Variants in PARD3B observed in about 807,000 individuals in gnomAD.
PARD3B encodes partitioning defective 3 homolog B.
Under a neutral mutation model 130.2 loss-of-function variants are expected in PARD3B, and 103 were observed. That is an observed-to-expected ratio of 0.79 (90% confidence interval 0.67 to 0.93). The LOEUF (loss-of-function observed/expected upper bound fraction) is 0.93, where lower values mean the gene tolerates loss of function less well. Among genes scored for constraint, PARD3B ranks in the 40% least tolerant of loss-of-function variants. PARD3B has a pLI of 0.00. For missense variants in PARD3B, 1,609 were observed against 1,499.2 expected, an observed-to-expected ratio of 1.07 and a Z score of -1.21; for synonymous variants, 583 against 553.2, an observed-to-expected ratio of 1.05 and a Z score of -0.76.
intron 2 of PARD3B, among the ~76,000 whole-genome samples, chr2:204,759,110 T>G (rs1478591549): frequency 6.6e-6 from 1 of 152,180 alleles, no homozygotes; most frequent in Admixed American, 6.6e-5. Context: ...GTCCTTCTTC[T>G]TGTAATGTTC....
chr2:205,164,393 T>C (rs535775372), intron 11 of PARD3B, among the ~76,000 whole-genome samples: 1 of 152,296 alleles, frequency 6.6e-6, no homozygotes, highest in African/African-American at 2.4e-5. Context: ...AGTTCCAGAC[T>C]GTAATGCAGT....
At chr2:205,527,345 T>G (rs371361249) in intron 21 of PARD3B, among the ~76,000 whole-genome samples, 14 of 152,306 alleles carry the variant, frequency 9.2e-5, no homozygotes, top group African/African-American at 3.4e-4. Flanking sequence ...AAAAGTCATT[T>G]TTTTTACTGC....
chr2:204,996,434 C>T (rs925628420), intron 3 of PARD3B, among the ~76,000 whole-genome samples: 36 of 152,308 alleles, frequency 2.4e-4, no homozygotes, highest in Admixed American at 3.9e-4. Context: ...GGCAGTGTGC[C>T]GGTTCTCAGA....
chr2:205,247,351 ATC>A (rs1447439750), intron 16 of PARD3B, among the ~76,000 whole-genome samples: 1 of 152,184 alleles, frequency 6.6e-6, no homozygotes, highest in Non-Finnish European at 1.5e-5. Flanking sequence ...AATTTCAATG[ATC>A]TGTCTTTACA....
At chr2:204,810,864 A>C (rs1368808705) in intron 2 of PARD3B, among the ~76,000 whole-genome samples, 2 of 151,892 alleles carry the variant, frequency 1.3e-5, no homozygotes, top group African/African-American at 2.4e-5. Flanking sequence ...AATTTTTTGG[A>C]ATAGTTTCGG....
chr2:204,875,420 A>G (rs1468372635), intron 2 of PARD3B, among the ~76,000 whole-genome samples: 1 of 152,178 alleles, frequency 6.6e-6, no homozygotes, highest in Non-Finnish European at 1.5e-5. Flanking sequence ...AAATCTTTAG[A>G]GGGAGTCAAT....
intron 22 of PARD3B, among the ~76,000 whole-genome samples, chr2:205,578,317 CA>C (rs1378477551): frequency 6.6e-6 from 1 of 152,148 alleles, no homozygotes; most frequent in Non-Finnish European, 1.5e-5. Context: ...TCATCCAAAG[CA>C]AGAGGTTTAT....
intron 15 of PARD3B, among the ~76,000 whole-genome samples, chr2:205,214,124 T>C (rs1336758804): frequency 6.6e-6 from 1 of 152,090 alleles, no homozygotes; most frequent in Non-Finnish European, 1.5e-5. Flanking sequence ...GTGTTTTTAT[T>C]TATATTATTT....
In PARD3B at chr2:204,967,409, A is replaced by C. The variant is rs1270192183; in HGVS notation, c.394+2086A>C. Among the ~76,000 whole-genome samples the C allele has an allele frequency of 6.6e-6, 1 of 152,158 alleles. No individual in the cohort carries two copies. The highest frequency in any genetic ancestry group is 1.5e-5 in the Non-Finnish European group (1 of 68,034). ...TTTCTTTACACTGTGTGCTTTCTCC[A>C]GTCCCTACTGTTGCCAGAGCTGCCT... On this transcript the variant is annotated intron_variant, in intron 3 of 22. Transcript: ENST00000406610. This position sits in a 1 kb window ranked among gnomAD's most constrained non-coding sequence, Gnocchi z 4.4.
rs1168450334 is a variant in PARD3B, at chr2:205,244,310, C to G, written c.2141-1468C>G. On this transcript the variant is annotated intron_variant, in intron 15 of 22. Coordinates refer to ENST00000406610, the MANE Select transcript of PARD3B (RefSeq NM_001302769.2). The surrounding 1 kb of genome is among the most constrained non-coding windows in gnomAD (Gnocchi z 4.7). ...AGATTCTTCTTGTTAGCAAATTTCCCCTCGCCTTGCTTCAACCCTTGAGAC... is the reference window on the plus strand; with the variant it reads ...AGATTCTTCTTGTTAGCAAATTTCCGCTCGCCTTGCTTCAACCCTTGAGAC... Among the ~76,000 whole-genome samples, 1 of 152,110 alleles carries G rather than the reference C, an allele frequency of 6.6e-6. No individual in the cohort carries two copies. The highest frequency in any genetic ancestry group is 1.5e-5 in the Non-Finnish European group (1 of 68,026).
At chr2:205,505,961 C>T (rs1005944463) in intron 21 of PARD3B, among the ~76,000 whole-genome samples, 8 of 152,044 alleles carry the variant, frequency 5.3e-5, no homozygotes, top group African/African-American at 9.7e-5. Context: ...GAAGGGAGTA[C>T]ATTTGTTTAT....
chr2:204,713,181 G>T (rs553244531), intron 2 of PARD3B, among the ~76,000 whole-genome samples: 1 of 152,026 alleles, frequency 6.6e-6, no homozygotes, highest in Non-Finnish European at 1.5e-5. Flanking sequence ...CAACACATGG[G>T]CAAGAATGTA....
At chr2:204,672,610 G>C (rs1451095202) in intron 1 of PARD3B, among the ~76,000 whole-genome samples, 1 of 152,132 alleles carries the variant, frequency 6.6e-6, no homozygotes, top group Non-Finnish European at 1.5e-5. Context: ...CAGTTTCATG[G>C]AATGCATTAG....
At chr2:204,650,378 C>A (rs115973753) in intron 1 of PARD3B, among the ~76,000 whole-genome samples, 1 of 152,112 alleles carries the variant, frequency 6.6e-6, no homozygotes, top group Non-Finnish European at 1.5e-5. Flanking sequence ...ACCATTCAAC[C>A]CAGCAATCTC....
intron 16 of PARD3B, among the ~76,000 whole-genome samples, chr2:205,252,804 A>C (rs1441081211): frequency 6.7e-6 from 1 of 148,678 alleles, no homozygotes; most frequent in Non-Finnish European, 1.5e-5. Flanking sequence ...ATATTCTAGT[A>C]ATATCAATCT....
intron 20 of PARD3B, among the ~76,000 whole-genome samples, chr2:205,484,969 T>C (rs2049382366): frequency 1.3e-5 from 2 of 152,300 alleles, no homozygotes; most frequent in Middle Eastern, 3.4e-3. Flanking sequence ...CTAATTTTCC[T>C]TCTTCTTTGA....
intron 10 of PARD3B, among the ~76,000 whole-genome samples, chr2:205,141,919 G>C (rs1441344827): frequency 6.6e-6 from 1 of 152,062 alleles, no homozygotes; most frequent in Non-Finnish European, 1.5e-5. Context: ...AGCTACAACG[G>C]AAGAAATAAC....
chr2:204,712,183 G>A (rs2038471652), intron 2 of PARD3B, among the ~76,000 whole-genome samples: 2 of 152,126 alleles, frequency 1.3e-5, no homozygotes, highest in Non-Finnish European at 2.9e-5. Flanking sequence ...GAAAGAAAAT[G>A]ATTAACAAAA....
intron 15 of PARD3B, among the ~76,000 whole-genome samples, chr2:205,200,727 T>A (rs2036942756): frequency 6.6e-6 from 1 of 152,208 alleles, no homozygotes; most frequent in Admixed American, 6.5e-5. Context: ...TAATAAAATT[T>A]CACATGATAG....
Sources: gnomAD v4.1 joint callset for allele counts (sites outside exome capture counted in the v4.1 genomes callset) on GRCh38, gnomAD v4.1.1 for gene constraint, Gnocchi (gnomAD v3.1) non-coding constraint, MANE v1.5 for transcripts, NCBI Gene and HGNC (gene_info 2026-07-23, HGNC 2026-07-21) for gene names.